DPYD: variants seen among roughly 807,000 people sequenced by gnomAD.
The protein encoded by DPYD is dihydropyrimidine dehydrogenase.
In DPYD, 109 loss-of-function variants were observed where a neutral mutation model predicts 116.2. The observed-to-expected ratio is 0.94, with a 90% CI of 0.80 to 1.10. DPYD has a LOEUF of 1.10. Ranked by LOEUF, DPYD falls within the 50% of genes least tolerant of loss-of-function variation. The pLI, the probability that DPYD is intolerant of heterozygous loss-of-function variation, is 0.00. For synonymous variants in DPYD, 440 were observed against 432.0 expected, an observed-to-expected ratio of 1.02 and a Z score of -0.23; for missense variants, 1,302 against 1,254.5, an observed-to-expected ratio of 1.04 and a Z score of -0.57.
At chr1:97,563,973 C>T (rs1271329635) in intron 11 of DPYD, among the ~76,000 whole-genome samples, 1 of 152,154 alleles carries the variant, frequency 6.6e-6, no homozygotes, top group Non-Finnish European at 1.5e-5. Context: ...ATAAATCTTT[C>T]AACCAAGCAA....
At chr1:97,335,555 T>C (rs1035888136) in intron 16 of DPYD, among the ~76,000 whole-genome samples, 2 of 152,242 alleles carry the variant, frequency 1.3e-5, no homozygotes, top group African/African-American at 4.8e-5. Flanking sequence ...GGAATCACTA[T>C]ATATTTTTCC....
chr1:97,614,286 C>T lies in DPYD; in HGVS notation c.851-19120G>A, dbSNP rs114770439. Among the ~76,000 whole-genome samples the T allele has an allele frequency of 3.1e-3, 473 of 152,106 alleles. 1 individual carries two copies. The highest frequency in any genetic ancestry group is 5.5e-3 in the Non-Finnish European group (373 of 67,922). The stretch of plus-strand genomic sequence containing the variant: ...GTTAAGGTACTACAAGAGTTAGAGA[C>T]TTGAGCTAGAAGAATTAGTTTAATA... On this transcript the variant is annotated intron_variant, in intron 8 of 22. Coordinates refer to ENST00000370192, the MANE Select transcript of DPYD (RefSeq NM_000110.4).
In DPYD at chr1:97,920,917, G is replaced by A; in HGVS notation, c.6C>T (p.Ala2=). 1.3e-6 allele frequency: 2 copies of A among 1,590,224 alleles called. No individual in the cohort carries two copies. The highest frequency in any genetic ancestry group is 1.7e-6 in the Non-Finnish European group (2 of 1,168,758). ...CCGCCGAGTCCTTACTGAGCACAGGGGCCATGGCAGTGCCTACAGTCTCGA... is the reference window on the plus strand; with the variant it reads ...CCGCCGAGTCCTTACTGAGCACAGGAGCCATGGCAGTGCCTACAGTCTCGA... M[A]PVLSKDSADI... Residue 2 remains alanine (A), a synonymous_variant, in exon 1 of 23, where the codon GCC becomes GCT. Coordinates refer to ENST00000370192, the MANE Select transcript of DPYD (RefSeq NM_000110.4).
chr1:97,781,444 C>T (rs747947966), intron 3 of DPYD, among the ~76,000 whole-genome samples: 5 of 152,154 alleles, frequency 3.3e-5, no homozygotes, highest in African/African-American at 9.7e-5. Context: ...ATCCATTGAG[C>T]ACCTACTGTA....
chr1:97,222,301 TGTA>T (rs780721468), intron 19 of DPYD, among the ~76,000 whole-genome samples: 6 of 152,148 alleles, frequency 3.9e-5, no homozygotes, highest in Non-Finnish European at 8.8e-5. Context: ...AGGAATTTTC[TGTA>T]GCTATACGCC....
chr1:97,398,120 C>T (rs1673119932), intron 14 of DPYD, among the ~76,000 whole-genome samples: 3 of 152,012 alleles, frequency 2.0e-5, no homozygotes, highest in South Asian at 2.1e-4. Context: ...CAACAGGCCC[C>T]GGTGTGTGAT....
chr1:97,429,777 T>C (rs1376899010), intron 14 of DPYD, among the ~76,000 whole-genome samples: 6 of 152,098 alleles, frequency 3.9e-5, no homozygotes, highest in Admixed American at 1.3e-4. Context: ...CTAATCAATA[T>C]TGGCAACACA....
chr1:97,868,142 A>G (rs1671481456), intron 2 of DPYD, among the ~76,000 whole-genome samples: 1 of 151,820 alleles, frequency 6.6e-6, no homozygotes, highest in African/African-American at 2.4e-5. Context: ...AAAAATATAT[A>G]ATTAAGAACA....
chr1:97,908,727 T>C (rs1227876618), intron 1 of DPYD, among the ~76,000 whole-genome samples: 2 of 152,018 alleles, frequency 1.3e-5, no homozygotes, highest in African/African-American at 2.4e-5. Flanking sequence ...CTGACAACAT[T>C]CCACTTTCCA....
chr1:97,389,588 T>C (rs7538155), intron 14 of DPYD, among the ~76,000 whole-genome samples: 7,294 of 152,118 alleles, frequency 0.048, 278 homozygotes, highest in East Asian at 0.17. Context: ...CATTAAAATT[T>C]GATATGCTCC....
chr1:97,718,833 C>A (rs1028367684), intron 5 of DPYD, among the ~76,000 whole-genome samples: 1 of 151,318 alleles, frequency 6.6e-6, no homozygotes, highest in Non-Finnish European at 1.5e-5. Context: ...ATATATAATT[C>A]TTTCAAAATT....
chr1:97,576,254 T>C (rs528598298), intron 10 of DPYD, among the ~76,000 whole-genome samples: 2 of 152,342 alleles, frequency 1.3e-5, no homozygotes, highest in East Asian at 3.9e-4. Context: ...TTAATGATAA[T>C]GCCACACTTG....
intron 20 of DPYD, among the ~76,000 whole-genome samples, chr1:97,189,240 A>C (rs1311312501): frequency 1.3e-5 from 2 of 152,186 alleles, no homozygotes; most frequent in Non-Finnish European, 2.9e-5. Context: ...GGTTACAGCC[A>C]AGGTTCAAAA....
intron 4 of DPYD, among the ~76,000 whole-genome samples, chr1:97,725,675 T>G (rs375867643): frequency 3.5e-4 from 53 of 151,622 alleles, no homozygotes; most frequent in African/African-American, 1.2e-3. Context: ...TGAAAAAGGT[T>G]TCTAAGGCAA....
At position 97,740,136 on chromosome 1, in the gene DPYD, G is replaced by A. The variant is rs370040375; in HGVS notation, c.321+256C>T. ...ATAAACTAAAATCAATCTTTTCAGT[G>A]TCTTGAATTTTAAAAATCATTCATT... On this transcript the variant is annotated intron_variant, in intron 4 of 22. Coordinates refer to ENST00000370192, the MANE Select transcript of DPYD (RefSeq NM_000110.4). 1.4e-4 allele frequency among the ~76,000 whole-genome samples: 22 copies of A among 152,128 alleles called. No homozygotes were observed. In the East Asian group the frequency reaches 4.1e-3, roughly 28 times the overall value.
At chr1:97,739,776 C>G (rs1664160676) in intron 4 of DPYD, among the ~76,000 whole-genome samples, 1 of 151,964 alleles carries the variant, frequency 6.6e-6, no homozygotes, top group South Asian at 2.1e-4. Context: ...ATTATTCAAT[C>G]AATCAACCAT....
chr1:97,887,469 TA>T lies in DPYD; in HGVS notation c.40-4096del, dbSNP rs57316508. ...TGGGTGACAAAGTGAGACTCTGCAT[TA>T]AAAAAAAAAAAAAAAAAAAAAAAAA... On this transcript the variant is annotated intron_variant, in intron 1 of 22. Transcript: ENST00000370192. Among the ~76,000 whole-genome samples, 177 of 47,122 alleles carry T rather than the reference TA, an allele frequency of 3.8e-3. 4 individuals are homozygous for T. Among genetic ancestry groups the T allele is most frequent in the African/African-American group, 0.014 (166 of 11,868 alleles). 30.9% of individuals were successfully genotyped at this position (47,122 alleles called of 152,430 possible). A position where few individuals can be genotyped will look rare whatever the true frequency, so the allele number is the denominator to read the frequency against.
intron 13 of DPYD, among the ~76,000 whole-genome samples, chr1:97,503,202 A>C (rs1679693847): frequency 6.6e-6 from 1 of 152,018 alleles, no homozygotes; most frequent in South Asian, 2.1e-4. Flanking sequence ...TCTGTTGTCT[A>C]TACAATATTT....
At chr1:97,237,319 T>G (rs1662013100) in intron 18 of DPYD, among the ~76,000 whole-genome samples, 1 of 150,490 alleles carries the variant, frequency 6.6e-6, no homozygotes, top group Non-Finnish European at 1.5e-5. Context: ...CAGATAAAAT[T>G]GAACGTTTGC....
Sources: allele counts gnomAD v4.1 joint callset (sites outside exome capture counted in the v4.1 genomes callset), GRCh38; gene constraint gnomAD v4.1.1; transcripts MANE v1.5; gene names NCBI Gene and HGNC (gene_info 2026-07-23, HGNC 2026-07-21).